DDX6: variants seen among roughly 807,000 people sequenced by gnomAD.
DDX6 encodes probable ATP-dependent RNA helicase DDX6.
In DDX6, 7 loss-of-function variants were observed where a neutral mutation model predicts 60.6. The ratio of observed to expected loss-of-function variants is 0.12; its 90% CI spans 0.07 to 0.22. The LOEUF (loss-of-function observed/expected upper bound fraction) is 0.22, where lower values mean the gene tolerates loss of function less well. Ranked by LOEUF, DDX6 falls within the 10% of genes least tolerant of loss-of-function variation. The pLI, the probability that DDX6 is intolerant of heterozygous loss-of-function variation, is 1.00. For synonymous variants in DDX6, 207 were observed against 201.0 expected (o/e 1.03, Z -0.25); for missense variants, 270 against 589.9 (o/e 0.46, Z 5.62).
intron 9 of DDX6, among the ~76,000 whole-genome samples, 166 bp from the exon 10 acceptor site, chr11:118,757,453 T>C (rs1345989721): frequency 1.3e-5 from 2 of 152,198 alleles, no homozygotes; most frequent in Non-Finnish European, 2.9e-5. Flanking sequence ...AAATAATAGA[T>C]GGAAGATAAT....
At chr11:118,760,557 T>C (rs1861128705) in intron 7 of DDX6, among the ~76,000 whole-genome samples, 1 of 152,164 alleles carries the variant, frequency 6.6e-6, no homozygotes, top group Non-Finnish European at 1.5e-5. Flanking sequence ...GCGCGGTGGC[T>C]CACGCCTGTA....
chr11:118,788,259 T>C (rs1434299506), intron 1 of DDX6: 1 of 151,982 alleles, frequency 6.6e-6, no homozygotes, highest in Non-Finnish European at 1.5e-5. Context: ...GTCCAGATCA[T>C]GCCATTGTAC....
chr11:118,757,739 C>A (rs1165031598), intron 9 of DDX6, among the ~76,000 whole-genome samples: 1 of 152,026 alleles, frequency 6.6e-6, no homozygotes, highest in Non-Finnish European at 1.5e-5. Context: ...TACAGGCACC[C>A]ACCACAATGC....
intron 4 of DDX6, among the ~76,000 whole-genome samples, chr11:118,776,747 C>T (rs963458028): frequency 4.6e-5 from 7 of 151,358 alleles, no homozygotes; most frequent in South Asian, 2.1e-4. Context: ...GCAGGGGAAT[C>T]GCGTGAACCC....
chr11:118,761,016 T>C (rs1308466501), intron 7 of DDX6, among the ~76,000 whole-genome samples: 1 of 152,024 alleles, frequency 6.6e-6, no homozygotes, highest in Non-Finnish European at 1.5e-5. Context: ...GGCAAGCGCC[T>C]GTAATTCCAA....
At chr11:118,768,168 C>A in intron 5 of DDX6, 55 bp downstream of exon 5, 1 of 1,547,398 alleles carries the variant, frequency 6.5e-7, no homozygotes, top group Non-Finnish European at 8.8e-7. Flanking sequence ...CTACACATGG[C>A]TCCAAGGCTG....
intron 2 of DDX6, among the ~76,000 whole-genome samples, chr11:118,784,729 T>G (rs1263779306): frequency 1.3e-5 from 2 of 151,862 alleles, no homozygotes; most frequent in East Asian, 3.9e-4. Context: ...AGTGCTGGGA[T>G]TAAAGGCGTG....
At chr11:118,781,907 GAC>G (rs1861912224) in intron 2 of DDX6, among the ~76,000 whole-genome samples, 1 of 150,976 alleles carries the variant, frequency 6.6e-6, no homozygotes, top group African/African-American at 2.4e-5. Context: ...CAGCCTGAGT[GAC>G]AGAGGGAGAC....
At chr11:118,763,120 A>T (rs1231980203) in intron 7 of DDX6, 92 bp downstream of exon 7, 4 of 816,240 alleles carry the variant, frequency 4.9e-6, no homozygotes, top group Admixed American at 2.7e-5. Context: ...ATTAGATCAT[A>T]AACACAAGCA....
In DDX6 at chr11:118,751,842, C is replaced by A. The variant is rs1387672783; in HGVS notation, c.*263G>T. The A allele has an allele frequency of 3.6e-5, 15 of 422,042 alleles. No homozygotes were observed. The highest frequency in any genetic ancestry group is 2.7e-4 in the African/African-American group (13 of 48,222). 26.1% of individuals were successfully genotyped at this position (422,042 alleles called of 1,614,324 possible). On this transcript the variant is annotated 3_prime_UTR_variant, in exon 14 of 14. Coordinates refer to ENST00000534980, the MANE Select transcript of DDX6 (RefSeq NM_004397.6). ...CTTTTCCTTCCTTGTCCCCTTTCCC[C>A]AGAAAACATTTTTTAAAAACCAGCA...
intron 9 of DDX6, 40 bp from the exon 10 acceptor site, chr11:118,757,327 A>T: frequency 8.3e-7 from 1 of 1,205,932 alleles, no homozygotes; most frequent in Non-Finnish European, 1.1e-6. Flanking sequence ...AAATAAAAAA[A>T]ACCTTCATTT....
intron 5 of DDX6, among the ~76,000 whole-genome samples, chr11:118,766,990 A>G (rs192456963): frequency 6.6e-6 from 1 of 152,040 alleles, no homozygotes; most frequent in East Asian, 1.9e-4. Context: ...GGTTCAAGCA[A>G]TTCTCCTGCC....
rs1860764899 is a variant in DDX6, at chr11:118,751,415, CA to C, written c.*689del. On this transcript the variant is annotated 3_prime_UTR_variant, in exon 14 of 14. Coordinates refer to ENST00000534980, the MANE Select transcript of DDX6 (RefSeq NM_004397.6). ...GTGCGGATGAACTGCAGTTGCATAT[CA>C]ACTCCTCCCCAAAAAGAAAAAAAAA... 1 of 151,478 alleles carries C rather than the reference CA, an allele frequency of 6.6e-6. No individual in the cohort carries two copies. Among genetic ancestry groups the C allele is most frequent in the Middle Eastern group, 3.2e-3 (1 of 316 alleles). 9.4% of individuals were successfully genotyped at this position (151,478 alleles called of 1,614,324 possible).
chr11:118,776,850 GA>G (rs1175342994), intron 4 of DDX6, among the ~76,000 whole-genome samples: 5 of 146,960 alleles, frequency 3.4e-5, no homozygotes, highest in East Asian at 4.0e-4. Flanking sequence ...AAAAAAGAAA[GA>G]AAAAAAAAGA....
Position 118,772,281 on chromosome 11 carries a change from C to T in DDX6, c.370-3929G>A, listed in dbSNP as rs554866263. On this transcript the variant is annotated intron_variant, in intron 4 of 13. Transcript: ENST00000534980. ...TCTACCAACTGATGACTGGATAAAT[C>T]AGAAGTAATAGAGCCATACAATAAA... Among the ~76,000 whole-genome samples, 4 of 152,120 alleles carry T rather than the reference C, an allele frequency of 2.6e-5. No homozygotes were observed. The South Asian group carries it at 8.3e-4, about 32-fold the overall frequency.
rs1555157148 is a variant in DDX6 at position 118,751,059 on chromosome 11, ATATATATG to A, written c.*1038_*1045del. 1 of 127,102 alleles carries A rather than the reference ATATATATG, an allele frequency of 7.9e-6. No individual in the cohort carries two copies. Among genetic ancestry groups the A allele is most frequent in the South Asian group, 2.7e-4 (1 of 3,742 alleles). The allele number at this position is 127,102 out of a possible 1,614,324, so 7.9% of individuals were successfully genotyped here. A position where few individuals can be genotyped will look rare whatever the true frequency, so the allele number is the denominator to read the frequency against. On this transcript the variant is annotated 3_prime_UTR_variant, in exon 14 of 14. Transcript: ENST00000534980. ...GCAACCTTCATCCAAAAAAAAATAT[ATATATATG>A]TATATATATATATATATATGAACCC...
chr11:118,768,220 A>G lies in DDX6; in HGVS notation c.499+3T>C, dbSNP rs374732074. On this transcript the variant is annotated splice_donor_region_variant and intron_variant, in intron 5 of 13. Transcript: ENST00000534980. ...TTTAAAAACAAACTTTTATTCAACT[A>G]ACCTTGTATATTGTCCTTCTTCAGG... is the stretch of plus-strand genomic sequence containing the variant. 146 of 1,612,226 alleles carry G rather than the reference A, an allele frequency of 9.1e-5. No homozygotes were observed. The highest frequency in any genetic ancestry group is 1.1e-4 in the Non-Finnish European group (134 of 1,179,166).
chr11:118,775,154 G>C (rs782709501), intron 4 of DDX6, among the ~76,000 whole-genome samples: 14 of 152,020 alleles, frequency 9.2e-5, no homozygotes, highest in Non-Finnish European at 1.5e-4. Flanking sequence ...GTCTCCACCA[G>C]AAATACAAAA....
intron 4 of DDX6, among the ~76,000 whole-genome samples, chr11:118,771,997 C>T (rs1364374960): frequency 2.0e-5 from 3 of 149,724 alleles, no homozygotes; most frequent in Non-Finnish European, 4.4e-5. Flanking sequence ...GCAGCATTAT[C>T]CTTAATAGCC....
Sources: allele counts gnomAD v4.1 joint callset (sites outside exome capture counted in the v4.1 genomes callset), GRCh38; gene constraint gnomAD v4.1.1; transcripts MANE v1.5; gene names NCBI Gene and HGNC (gene_info 2026-07-23, HGNC 2026-07-21).